Variants in BTBD9 observed in about 807,000 individuals in gnomAD.
BTBD9 encodes the protein BTB domain containing 9, also known as BTB/POZ domain-containing protein 9.
A neutral mutation model predicts 64.3 loss-of-function variants in BTBD9; 49 were observed. That is an observed-to-expected ratio of 0.76 (90% CI 0.61 to 0.97). The LOEUF (loss-of-function observed/expected upper bound fraction) is 0.97, where lower values mean the gene tolerates loss of function less well. BTBD9 is among the 50% of genes least tolerant of loss of function. The probability of loss-of-function intolerance (pLI) is 0.00; values close to 1 mark genes in which losing one functional copy is unlikely to be tolerated. For missense variants in BTBD9, 598 were observed against 762.1 expected (o/e 0.78, Z 2.53); for synonymous variants, 260 against 274.7 (o/e 0.95, Z 0.53).
intron 9 of BTBD9, among the ~76,000 whole-genome samples, chr6:38,253,828 C>T (rs1464299763): frequency 6.6e-6 from 1 of 151,848 alleles, no homozygotes; most frequent in East Asian, 1.9e-4. Context: ...TCGGTACAGT[C>T]CTCTTTAGCA....
intron 6 of BTBD9, among the ~76,000 whole-genome samples, chr6:38,396,055 A>T (rs966197327): frequency 6.6e-6 from 1 of 152,160 alleles, no homozygotes; most frequent in African/African-American, 2.4e-5. Context: ...ACAGCAATAT[A>T]TAACTAATAC....
Position 38,331,582 on chromosome 6 carries a change from G to A in BTBD9, c.1264+13402C>T, listed in dbSNP as rs148480407. Among the ~76,000 whole-genome samples, 543 of 152,352 alleles carry A rather than the reference G, an allele frequency of 3.6e-3. 6 individuals are homozygous for A. Among genetic ancestry groups the A allele is most frequent in the African/African-American group, 0.012 (518 of 41,584 alleles). ...ATACAAAAACATTTTATTTTGGCCA[G>A]GTGTAGTGGCTCACACCTGGAATCC... On this transcript the variant is annotated intron_variant, in intron 7 of 10. Coordinates refer to ENST00000481247, the MANE Select transcript of BTBD9 (RefSeq NM_001099272.2).
intron 4 of BTBD9, among the ~76,000 whole-genome samples, chr6:38,591,672 T>C (rs932338529): frequency 2.6e-5 from 4 of 152,182 alleles, no homozygotes; most frequent in Non-Finnish European, 5.9e-5. Context: ...TTCCTCATTG[T>C]GTAAAATGGA....
At chr6:38,381,476 T>TGA (rs1367213068) in intron 6 of BTBD9, among the ~76,000 whole-genome samples, 1 of 152,184 alleles carries the variant, frequency 6.6e-6, no homozygotes, top group Non-Finnish European at 1.5e-5. Flanking sequence ...AGTAGCAAAC[T>TGA]GAGAAACTGA....
chr6:38,188,750 C>T (rs960625182), intron 10 of BTBD9, among the ~76,000 whole-genome samples: 10 of 152,156 alleles, frequency 6.6e-5, no homozygotes, highest in African/African-American at 2.4e-4. Flanking sequence ...GGGAAATGAT[C>T]AGGTTCAGCG....
At chr6:38,180,343 G>A (rs1376033294) in intron 10 of BTBD9, among the ~76,000 whole-genome samples, 9 of 152,216 alleles carry the variant, frequency 5.9e-5, no homozygotes, top group Non-Finnish European at 1.2e-4. Flanking sequence ...GGAGAGGAGT[G>A]TGAGGGAAGG....
chr6:38,429,369 C>A (rs1258194922), intron 6 of BTBD9, among the ~76,000 whole-genome samples: 2 of 150,504 alleles, frequency 1.3e-5, no homozygotes, highest in South Asian at 4.2e-4. Context: ...GCAGGAGAAT[C>A]GCTTGAACCC....
At chr6:38,314,356 C>T (rs964286484) in intron 7 of BTBD9, among the ~76,000 whole-genome samples, 11 of 151,446 alleles carry the variant, frequency 7.3e-5, no homozygotes, top group East Asian at 2.0e-4. Context: ...CCACTACACC[C>T]GGCTAATTTT....
At chr6:38,270,954 GGAA>G (rs940587341) in intron 8 of BTBD9, among the ~76,000 whole-genome samples, 1 of 152,098 alleles carries the variant, frequency 6.6e-6, no homozygotes, top group Non-Finnish European at 1.5e-5. Flanking sequence ...GGGGGATAGG[GGAA>G]AGGAGGGAGA....
At chr6:38,557,175 G>A (rs947733303) in intron 6 of BTBD9, among the ~76,000 whole-genome samples, 19 of 150,728 alleles carry the variant, frequency 1.3e-4, no homozygotes, top group Admixed American at 8.6e-4. Flanking sequence ...GCAAAACCCC[G>A]TCTCTACTAA....
chr6:38,584,465 G>A (rs1776425626), intron 4 of BTBD9, among the ~76,000 whole-genome samples: 1 of 152,184 alleles, frequency 6.6e-6, no homozygotes, highest in Admixed American at 6.5e-5. Context: ...AAAAATTAAG[G>A]AGAAATGAAG....
chr6:38,198,175 G>A lies in BTBD9; in HGVS notation c.1563-5578C>T, dbSNP rs137876340. On this transcript the variant is annotated intron_variant, in intron 9 of 10. Transcript: ENST00000481247. The stretch of plus-strand genomic sequence containing the variant: ...ATAAAAAGAAAGAGACAGAGGAGGA[G>A]AAAGGGATTAAAACAATGTCTGTGT... 6.8e-3 allele frequency among the ~76,000 whole-genome samples: 1,032 copies of A among 152,316 alleles called. 7 individuals are homozygous for A. The highest frequency in any genetic ancestry group is 0.023 in the African/African-American group (950 of 41,580).
intron 6 of BTBD9, among the ~76,000 whole-genome samples, chr6:38,531,339 A>G (rs1323746389): frequency 6.6e-6 from 1 of 152,258 alleles, no homozygotes; most frequent in Non-Finnish European, 1.5e-5. Context: ...CAGTGTACTC[A>G]GCAAAAATAT....
intron 6 of BTBD9, among the ~76,000 whole-genome samples, chr6:38,567,421 C>A (rs1775571070): frequency 6.6e-6 from 1 of 152,064 alleles, no homozygotes; most frequent in South Asian, 2.1e-4. Context: ...TAATTTGAAA[C>A]ATAAGTAAGG....
intron 6 of BTBD9, among the ~76,000 whole-genome samples, chr6:38,416,456 TC>T (rs1208749779): frequency 6.7e-6 from 1 of 149,456 alleles, no homozygotes; most frequent in Non-Finnish European, 1.5e-5. Context: ...TGCCTCAGCC[TC>T]CCGAGTATCT....
In BTBD9 at chr6:38,589,914, T is replaced by C. The variant is rs1291006791; in HGVS notation, c.814+2662A>G. Among the ~76,000 whole-genome samples, 3 of 152,216 alleles carry C rather than the reference T, an allele frequency of 2.0e-5. No individual in the cohort carries two copies. In the East Asian group the frequency reaches 5.8e-4, roughly 29 times the overall value. On this transcript the variant is annotated intron_variant, in intron 4 of 10. Transcript: ENST00000481247. The stretch of plus-strand genomic sequence containing the variant: ...TCTTCCTTCTCTACCTTAAGTCCCC[T>C]GGCAATAGGTTTTCTCCAAGTTTCA...
At chr6:38,315,421 G>A (rs1055319670) in intron 7 of BTBD9, among the ~76,000 whole-genome samples, 2 of 151,320 alleles carry the variant, frequency 1.3e-5, no homozygotes, top group Non-Finnish European at 2.9e-5. Flanking sequence ...GCACTTAACA[G>A]CTATAAACTT....
intron 6 of BTBD9, among the ~76,000 whole-genome samples, chr6:38,353,252 T>C (rs560082938): frequency 6.6e-6 from 1 of 152,342 alleles, no homozygotes; most frequent in African/African-American, 2.4e-5. Context: ...AAAGAGGAAC[T>C]GATTTGAATT....
At chr6:38,419,738 T>C (rs1582399542) in intron 6 of BTBD9, among the ~76,000 whole-genome samples, 1 of 152,018 alleles carries the variant, frequency 6.6e-6, no homozygotes, top group South Asian at 2.1e-4. Flanking sequence ...GTTGTGGCAG[T>C]GCATGCCTGT....
Sources: allele counts gnomAD v4.1 joint callset (sites outside exome capture counted in the v4.1 genomes callset), GRCh38; gene constraint gnomAD v4.1.1; transcripts MANE v1.5; gene names NCBI Gene and HGNC (gene_info 2026-07-23, HGNC 2026-07-21).